The following AGPAT3 variants were observed in gnomAD, a reference collection of about 807,000 sequenced individuals.
AGPAT3 encodes the protein 1-acyl-sn-glycerol-3-phosphate acyltransferase gamma.
In AGPAT3, 5 loss-of-function variants were observed where a neutral mutation model predicts 47.3. That is an observed-to-expected ratio of 0.11 (90% CI 0.06 to 0.22). The LOEUF (loss-of-function observed/expected upper bound fraction) is 0.22, where lower values mean the gene tolerates loss of function less well. Ranked by LOEUF, AGPAT3 falls within the 10% of genes least tolerant of loss-of-function variation. AGPAT3 has a pLI of 1.00. For synonymous variants in AGPAT3, 212 were observed against 208.3 expected (o/e 1.02, Z -0.15); for missense variants, 315 against 493.0 (o/e 0.64, Z 3.42).
intron 5 of AGPAT3, among the ~76,000 whole-genome samples, chr21:43,969,845 G>A (rs754366350): frequency 4.9e-4 from 74 of 151,992 alleles, no homozygotes; most frequent in Non-Finnish European, 2.6e-4. Context: ...TTACAGGTGC[G>A]TGCCACCACA....
intron 2 of AGPAT3, among the ~76,000 whole-genome samples, chr21:43,907,027 TTC>T (rs1463224201): frequency 4.7e-5 from 7 of 148,556 alleles, no homozygotes; most frequent in Non-Finnish European, 8.9e-5. Context: ...TTTCTTTTCT[TTC>T]TTTTTTTTTT....
At chr21:43,971,934 C>T (rs934866702) in intron 7 of AGPAT3, among the ~76,000 whole-genome samples, 4 of 152,170 alleles carry the variant, frequency 2.6e-5, no homozygotes, top group Non-Finnish European at 4.4e-5. Context: ...GTCACACGAC[C>T]TGGGGGGCAT....
At chr21:43,936,347 G>C (rs2087445668) in intron 2 of AGPAT3, among the ~76,000 whole-genome samples, 1 of 152,268 alleles carries the variant, frequency 6.6e-6, no homozygotes, top group Non-Finnish European at 1.5e-5. Context: ...ACCGGGGGCT[G>C]TGGACTTTTC....
At chr21:43,905,550 A>G (rs764447280) in intron 2 of AGPAT3, among the ~76,000 whole-genome samples, 13 of 152,194 alleles carry the variant, frequency 8.5e-5, no homozygotes, top group Non-Finnish European at 1.5e-4. Flanking sequence ...CTATGAAGAT[A>G]CTAACGATAC....
At position 43,986,434 on chromosome 21, in the gene AGPAT3, A is replaced by C. The variant is rs1223719488; in HGVS notation, c.*4042A>C. 6.6e-6 allele frequency: 1 copy of C among 152,616 alleles called. No individual in the cohort carries two copies. The highest frequency in any genetic ancestry group is 1.5e-5 in the Non-Finnish European group (1 of 68,048). 9.5% of individuals were successfully genotyped at this position (152,616 alleles called of 1,614,324 possible). A position where few individuals can be genotyped will look rare whatever the true frequency, so the allele number is the denominator to read the frequency against. On this transcript the variant is annotated 3_prime_UTR_variant, in exon 10 of 10. Coordinates refer to ENST00000291572, the MANE Select transcript of AGPAT3 (RefSeq NM_020132.5). The stretch of plus-strand genomic sequence containing the variant: ...ACCTGGAGTTCGTCTCCATTTCTTA[A>C]CTTTTTGTTGCACAAGTATTTGGAC...
chr21:43,974,331 AGT>A (rs1288572813), intron 7 of AGPAT3, among the ~76,000 whole-genome samples: 1 of 151,352 alleles, frequency 6.6e-6, no homozygotes, highest in Non-Finnish European at 1.5e-5. Flanking sequence ...GTGTGTGTAT[AGT>A]GTGGCGTGTG....
chr21:43,910,359 T>G (rs2086604770), intron 2 of AGPAT3, among the ~76,000 whole-genome samples: 1 of 152,168 alleles, frequency 6.6e-6, no homozygotes, highest in Non-Finnish European at 1.5e-5. Flanking sequence ...GCCGCGCGTA[T>G]TGCCAGCAGC....
At chr21:43,875,208 T>C (rs1193781248) in intron 1 of AGPAT3, among the ~76,000 whole-genome samples, 2 of 152,198 alleles carry the variant, frequency 1.3e-5, no homozygotes, top group African/African-American at 4.8e-5. Flanking sequence ...TTTTGAACTC[T>C]GACCTCATGA....
intron 1 of AGPAT3, among the ~76,000 whole-genome samples, chr21:43,897,624 G>T (rs914117595): frequency 6.6e-6 from 1 of 151,548 alleles, no homozygotes; most frequent in Admixed American, 6.6e-5. Context: ...CTCCCAGAGG[G>T]GGCGGCCGGG....
intron 1 of AGPAT3, among the ~76,000 whole-genome samples, chr21:43,898,312 C>G (rs1476289353): frequency 6.6e-6 from 1 of 152,068 alleles, no homozygotes. Flanking sequence ...TCCTTTCTTG[C>G]TCTTTTTGAG....
chr21:43,971,554 A>G, intron 7 of AGPAT3, 64 bp downstream of exon 7: 1 of 1,520,360 alleles, frequency 6.6e-7, no homozygotes, highest in Non-Finnish European at 9.1e-7. Context: ...CGCTGGGCAG[A>G]GGCCAGGAGG....
chr21:43,941,093 A>G (rs2087637984), intron 2 of AGPAT3, among the ~76,000 whole-genome samples: 1 of 152,188 alleles, frequency 6.6e-6, no homozygotes, highest in South Asian at 2.1e-4. Flanking sequence ...CAGGTGGTGC[A>G]GGGGGCAGCT....
At chr21:43,940,955 G>T (rs2087632841) in intron 2 of AGPAT3, among the ~76,000 whole-genome samples, 1 of 152,240 alleles carries the variant, frequency 6.6e-6, no homozygotes, top group Non-Finnish European at 1.5e-5. Flanking sequence ...TAGATGGGGT[G>T]TTTGTGCTCC....
At chr21:43,971,762 T>G (rs115753806) in intron 7 of AGPAT3, among the ~76,000 whole-genome samples, 2,291 of 152,298 alleles carry the variant, frequency 0.015, 68 homozygotes, top group African/African-American at 0.052. Context: ...ACGGTGTGTT[T>G]CATTCCTTTG....
chr21:43,970,672 G>T lies in AGPAT3; in HGVS notation c.530G>T (p.Gly177Val). The part of the protein sequence containing the change: ...EYMWFLLYCE[G>V]TRFTETKHRV... The stretch of plus-strand genomic sequence containing the variant: ...TCCTAGTTTCTCCTGTACTGCGAGG[G>T]GACGCGCTTCACGGAGACCAAGCAC... Residue 177 changes from glycine to valine, a missense_variant, in exon 6 of 10, where the codon GGG (glycine) becomes GTG (valine). By Grantham distance (109) the Gly-to-Val change is moderately radical. Transcript: ENST00000291572. This position sits in a 1 kb window ranked among gnomAD's most constrained non-coding sequence, Gnocchi z 5.8. 1 of 1,613,784 alleles carries T rather than the reference G, an allele frequency of 6.2e-7. No homozygotes were observed. The highest frequency in any genetic ancestry group is 8.5e-7 in the Non-Finnish European group (1 of 1,179,872).
chr21:43,882,917 C>T (rs116929617), intron 1 of AGPAT3, among the ~76,000 whole-genome samples: 2 of 152,348 alleles, frequency 1.3e-5, no homozygotes, highest in East Asian at 3.9e-4. Context: ...CATAGCCGCT[C>T]ACTTGTCCTG....
Position 43,895,987 on chromosome 21 carries a change from C to T in AGPAT3, c.-111-7970C>T, listed in dbSNP as rs183621893. Among the ~76,000 whole-genome samples the T allele has an allele frequency of 7.2e-4, 110 of 152,038 alleles. No homozygotes were observed. In the East Asian group the frequency reaches 0.014, roughly 20 times the overall value. On this transcript the variant is annotated intron_variant, in intron 1 of 9. Transcript: ENST00000291572. The stretch of plus-strand genomic sequence containing the variant: ...TTCACCATATTGGCCAGGCTGGTCC[C>T]GAACTCCTGACCTCAGGTGATCCAC...
In AGPAT3 at chr21:43,969,335, C is replaced by T. The variant is rs1471543795; in HGVS notation, c.510+56C>T. 5 of 1,600,038 alleles carry T rather than the reference C, an allele frequency of 3.1e-6. No individual in the cohort carries two copies. In the East Asian group the frequency reaches 6.7e-5, roughly 22 times the overall value. ...ATGCCTGGAGGAGGCCACGCCAACT[C>T]CTGATGCACGGCTGCCCACATCCCA... On this transcript the variant is annotated intron_variant, in intron 5 of 9. Transcript: ENST00000291572.
intron 2 of AGPAT3, among the ~76,000 whole-genome samples, chr21:43,942,963 G>T (rs891098715): frequency 6.6e-6 from 1 of 152,248 alleles, no homozygotes; most frequent in Non-Finnish European, 1.5e-5. Context: ...AGGAAGACAG[G>T]CCTCGGAGCC....
Sources: gnomAD v4.1 joint callset for allele counts (sites outside exome capture counted in the v4.1 genomes callset) on GRCh38, gnomAD v4.1.1 for gene constraint, Gnocchi (gnomAD v3.1) non-coding constraint, MANE v1.5 for transcripts, NCBI Gene and HGNC (gene_info 2026-07-23, HGNC 2026-07-21) for gene names.